Variants in DMBT1 observed in about 807,000 individuals in gnomAD.
The protein encoded by DMBT1 is scavenger receptor cysteine-rich domain-containing protein DMBT1.
DMBT1 carries 198 observed loss-of-function variants against 252.9 expected under a neutral mutation model. That is an observed-to-expected ratio of 0.78 (90% CI 0.70 to 0.88). The LOEUF is 0.88. DMBT1 is among the 40% of genes least tolerant of loss of function. The pLI, the probability that DMBT1 is intolerant of heterozygous loss-of-function variation, is 0.00. For missense variants in DMBT1, 2,432 were observed against 2,404.7 expected, an observed-to-expected ratio of 1.01 and a Z score of -0.24; for synonymous variants, 990 against 942.7, an observed-to-expected ratio of 1.05 and a Z score of -0.92.
chr10:122,578,556 A>T (rs1345578911), intron 8 of DMBT1, among the ~76,000 whole-genome samples, 162 bp from the exon 9 acceptor site: 1 of 152,144 alleles, frequency 6.6e-6, no homozygotes, highest in Non-Finnish European at 1.5e-5. Flanking sequence ...TCCCTGAATG[A>T]GTTCCCTGGG....
chr10:122,636,600 T>C (rs184593060), intron 53 of DMBT1, among the ~76,000 whole-genome samples: 106 of 152,310 alleles, frequency 7.0e-4, no homozygotes, highest in Admixed American at 2.2e-3. Context: ...GAAGATGGAC[T>C]GAGCTGGGTG....
Position 122,643,484 on chromosome 10 carries a change from A to G in DMBT1, c.*86A>G, listed in dbSNP as rs1389230716. On this transcript the variant is annotated 3_prime_UTR_variant, in exon 56 of 56. Coordinates refer to ENST00000338354, the MANE Select transcript of DMBT1 (RefSeq NM_001377530.1). The stretch of plus-strand genomic sequence containing the variant: ...ATGTTCCTCTTGGTGTCATATTCCA[A>G]CTCAGATTGAGCCCTACATTGTGCT... 4.7e-6 allele frequency: 7 copies of G among 1,485,632 alleles called. No homozygotes were observed. The East Asian group carries it at 9.9e-5, about 21-fold the overall frequency. The allele number at this position is 1,485,632 out of a possible 1,614,324, so 92.0% of individuals were successfully genotyped here. A position where few individuals can be genotyped will look rare whatever the true frequency, so the allele number is the denominator to read the frequency against.
chr10:122,562,690 AT>A (rs1441928690), intron 1 of DMBT1, among the ~76,000 whole-genome samples: 2 of 152,210 alleles, frequency 1.3e-5, no homozygotes, highest in Non-Finnish European at 2.9e-5. Flanking sequence ...GATTGAGGAC[AT>A]TTGTAGTTTG....
chr10:122,573,278 A>G (rs1341301264), intron 5 of DMBT1, among the ~76,000 whole-genome samples: 2 of 150,324 alleles, frequency 1.3e-5, no homozygotes, highest in Non-Finnish European at 3.0e-5. Context: ...TTAGTTTTGC[A>G]TTCTGGAAAG....
intron 5 of DMBT1, among the ~76,000 whole-genome samples, chr10:122,573,009 A>C (rs1279760524): frequency 2.0e-5 from 3 of 152,232 alleles, no homozygotes; most frequent in Non-Finnish European, 1.5e-5. Context: ...TTGTTCACAT[A>C]GTGCCAGGAT....
rs760606614 is a variant in DMBT1 at position 122,637,256 on chromosome 10, A to G, written c.6886A>G (p.Thr2296Ala). ...ATACTACGAGTGTCGGCCCCAGATA[A>G]CGCCGAACCTGGTGATATTCACAAT... ...NGYYECRPQI[T>A]PNLVIFTIPY... The change falls in exon 54 of 56, where the codon ACG (threonine) becomes GCG (alanine). Residue 2296 changes from threonine to alanine, a missense_variant. Around this residue, in one of 3 missense-constraint regions of DMBT1, gnomAD observed 1,162 missense variants for 1,169.0 expected, o/e 0.99. Coordinates refer to ENST00000338354, the MANE Select transcript of DMBT1 (RefSeq NM_001377530.1). 6.2e-7 allele frequency: 1 copy of G among 1,613,910 alleles called. No homozygotes were observed. Among genetic ancestry groups the G allele is most frequent in the South Asian group, 1.1e-5 (1 of 91,058 alleles).
chr10:122,634,360 CTT>C (rs61112406), intron 52 of DMBT1, among the ~76,000 whole-genome samples: 2,553 of 104,770 alleles, frequency 0.024, 59 homozygotes, highest in South Asian at 0.081. Flanking sequence ...TTCTTTCTTT[CTT>C]TCTTTCTTTC....
intron 50 of DMBT1, among the ~76,000 whole-genome samples, chr10:122,632,447 C>T (rs2098172971): frequency 6.6e-6 from 1 of 152,040 alleles, no homozygotes; most frequent in African/African-American, 2.4e-5. Context: ...GCTCCCTATG[C>T]TTGGTGCCCT....
chr10:122,640,771 T>A (rs1380604819), intron 55 of DMBT1, among the ~76,000 whole-genome samples: 1 of 152,168 alleles, frequency 6.6e-6, no homozygotes, highest in Non-Finnish European at 1.5e-5. Flanking sequence ...TAAACCGTGA[T>A]CAGACTCTAG....
chr10:122,625,861 C>A lies in DMBT1; in HGVS notation c.5636-72C>A. On this transcript the variant is annotated intron_variant, in intron 45 of 55. Transcript: ENST00000338354. ...ACTAAGGAAAAGGATTTAACTTTGT[C>A]AGTCAAACAAATTACTATGGAATGG... 2.4e-6 allele frequency: 3 copies of A among 1,258,856 alleles called. No individual in the cohort carries two copies. The South Asian group carries it at 3.6e-5, about 15-fold the overall frequency. 78.0% of individuals were successfully genotyped at this position (1,258,856 alleles called of 1,614,324 possible).
Position 122,633,269 on chromosome 10 carries a change from A to C in DMBT1, c.6476A>C (p.Asn2159Thr). Residue 2159 changes from asparagine (N) to threonine (T), a missense_variant, in exon 52 of 56, where the codon AAC becomes ACC. Asn to Thr is a moderately conservative substitution (Grantham distance 65). Coordinates refer to ENST00000338354, the MANE Select transcript of DMBT1 (RefSeq NM_001377530.1). ...SSPFYPGNYP[N>T]NAKCVWDIEV... is the part of the protein sequence containing the mutation. Reference sequence around the variant, plus strand: ...CCATTCTATCCCGGGAACTATCCAAACAATGCCAAGTGTGTGTGGGACATT... The same window carrying C: ...CCATTCTATCCCGGGAACTATCCAACCAATGCCAAGTGTGTGTGGGACATT... The C allele has an allele frequency of 1.2e-6, 2 of 1,613,960 alleles. No individual in the cohort carries two copies. Among genetic ancestry groups the C allele is most frequent in the Non-Finnish European group, 1.7e-6 (2 of 1,179,894 alleles).
intron 52 of DMBT1, among the ~76,000 whole-genome samples, chr10:122,634,756 C>G (rs931689166): frequency 6.6e-6 from 1 of 152,082 alleles, no homozygotes; most frequent in Admixed American, 6.6e-5. Flanking sequence ...CTCGGCCTCC[C>G]AAAGTGCTGG....
At chr10:122,598,283 C>T (rs527809408) in intron 25 of DMBT1, among the ~76,000 whole-genome samples, 1 of 152,200 alleles carries the variant, frequency 6.6e-6, no homozygotes, top group South Asian at 2.1e-4. Context: ...CTGGAGGGTT[C>T]CCTAATCCTA....
Position 122,588,942 on chromosome 10 carries a change from A to G in DMBT1, c.1784-2A>G. The stretch of plus-strand genomic sequence containing the variant: ...ATGAAGGGTTCTTGTGTTCTCCTAT[A>G]GGACCTGAATCCAGTTTGGCCCTGA... On this transcript the variant is annotated splice_acceptor_variant, in intron 16 of 55. Coordinates refer to ENST00000338354, the MANE Select transcript of DMBT1 (RefSeq NM_001377530.1). LOFTEE classifies it high-confidence loss of function. The G allele has an allele frequency of 6.3e-7, 1 of 1,587,772 alleles. No homozygotes were observed.
intron 52 of DMBT1, among the ~76,000 whole-genome samples, chr10:122,634,215 T>C (rs1294377785): frequency 6.6e-6 from 1 of 152,180 alleles, no homozygotes; most frequent in African/African-American, 2.4e-5. Flanking sequence ...CCTTTCTTCA[T>C]GTGAGTTCCC....
chr10:122,599,760 C>T (rs1015659359), intron 26 of DMBT1, among the ~76,000 whole-genome samples: 1 of 152,124 alleles, frequency 6.6e-6, no homozygotes, highest in African/African-American at 2.4e-5. Flanking sequence ...GCTGGAGTGG[C>T]TTCCTCAGCC....
At chr10:122,569,212 G>T (rs2097637303) in intron 2 of DMBT1, among the ~76,000 whole-genome samples, 2 of 152,112 alleles carry the variant, frequency 1.3e-5, no homozygotes, top group Non-Finnish European at 2.9e-5. Flanking sequence ...ACCACCCCCG[G>T]CCTGGGATAC....
Position 122,592,617 on chromosome 10 carries a change from C to T in DMBT1, c.2500+22C>T, listed in dbSNP as rs187822329. ...TCAGGTGGGCCTCCAAGACCTTGGG[C>T]TCCCTCTCCTAGACTGGAGTTTGCT... On this transcript the variant is annotated intron_variant, in intron 20 of 55. Transcript: ENST00000338354. The T allele has an allele frequency of 9.8e-5, 155 of 1,588,234 alleles. 2 individuals carry two copies. The East Asian group carries it at 3.5e-3, about 36-fold the overall frequency.
chr10:122,580,046 A>C, intron 10 of DMBT1, 145 bp downstream of exon 10: 1 of 1,461,246 alleles, frequency 6.8e-7, no homozygotes, highest in Non-Finnish European at 9.1e-7. Context: ...AAGAATCCAT[A>C]TGTACTCACT....
Sources: gnomAD v4.1 joint callset for allele counts (sites outside exome capture counted in the v4.1 genomes callset) on GRCh38, gnomAD v4.1.1 for gene constraint, gnomAD v4.1.1 regional missense constraint, MANE v1.5 for transcripts, NCBI Gene and HGNC (gene_info 2026-07-23, HGNC 2026-07-21) for gene names.